Variants in KCNJ15 observed in about 807,000 individuals in gnomAD.
KCNJ15 encodes the protein potassium inwardly rectifying channel subfamily J member 15.
In KCNJ15, 14 loss-of-function variants were observed where a neutral mutation model predicts 23.0. The observed-to-expected ratio is 0.61, with a 90% CI of 0.40 to 0.95. The LOEUF (loss-of-function observed/expected upper bound fraction) is 0.95, where lower values mean the gene tolerates loss of function less well. Ranked by LOEUF, KCNJ15 falls within the 40% of genes least tolerant of loss-of-function variation. The pLI, the probability that KCNJ15 is intolerant of heterozygous loss-of-function variation, is 0.00. For synonymous variants in KCNJ15, 185 were observed against 183.2 expected (o/e 1.01, Z -0.08); for missense variants, 388 against 461.8 (o/e 0.84, Z 1.46).
At chr21:38,241,733 A>G (rs1008592368) in intron 1 of KCNJ15, among the ~76,000 whole-genome samples, 1 of 152,102 alleles carries the variant, frequency 6.6e-6, no homozygotes, top group African/African-American at 2.4e-5. Context: ...TTGGGAGGCC[A>G]AGGAGGGCGG....
chr21:38,288,333 G>A (rs1374548782), intron 1 of KCNJ15, among the ~76,000 whole-genome samples: 13 of 151,874 alleles, frequency 8.6e-5, no homozygotes, highest in Admixed American at 7.9e-4. Context: ...GAGCCACCGC[G>A]CCCAGCCATA....
intron 1 of KCNJ15, among the ~76,000 whole-genome samples, chr21:38,278,449 T>C (rs569425444): frequency 5.3e-5 from 8 of 152,338 alleles, no homozygotes; most frequent in African/African-American, 1.9e-4. Flanking sequence ...TATACATACA[T>C]GAGCTGCCGA....
rs576709021 is a variant in KCNJ15, at chr21:38,268,550, GA to G, written c.-117+11392del. ...TATCTGACAAGAGTACTTAAAATCT[GA>G]AAAAAAAAAAAAAAAAAAAAAAAAA... On this transcript the variant is annotated intron_variant, in intron 1 of 2. Coordinates refer to ENST00000398938, the MANE Select transcript of KCNJ15 (RefSeq NM_170736.3). 7.2e-3 allele frequency among the ~76,000 whole-genome samples: 341 copies of G among 47,258 alleles called. 3 individuals are homozygous for G. The highest frequency in any genetic ancestry group is 0.02 in the Middle Eastern group (1 of 50). The allele number at this position is 47,258 out of a possible 152,430, so 31.0% of individuals were successfully genotyped here. A position where few individuals can be genotyped will look rare whatever the true frequency, so the allele number is the denominator to read the frequency against.
rs1264195152 is a variant in KCNJ15 at position 38,305,055 on chromosome 21, G to C, written c.*4666G>C. ...AGATCGCGCCACTGCACTCCAGCCT[G>C]GGCAACAAAAGTAAAACTCCGTCTC... On this transcript the variant is annotated 3_prime_UTR_variant, in exon 3 of 3. Transcript: ENST00000398938. The C allele has an allele frequency of 1.5e-5, 2 of 133,538 alleles. No homozygotes were observed. Among genetic ancestry groups the C allele is most frequent in the Non-Finnish European group, 3.2e-5 (2 of 63,106 alleles). 8.3% of individuals were successfully genotyped at this position (133,538 alleles called of 1,614,324 possible).
At chr21:38,260,122 A>T (rs1392342374) in intron 1 of KCNJ15, among the ~76,000 whole-genome samples, 1 of 152,186 alleles carries the variant, frequency 6.6e-6, no homozygotes, top group Non-Finnish European at 1.5e-5. Context: ...CTCTCCCTCT[A>T]TGCCCGTGAT....
At chr21:38,277,746 T>A (rs904989863) in intron 1 of KCNJ15, among the ~76,000 whole-genome samples, 7 of 152,290 alleles carry the variant, frequency 4.6e-5, no homozygotes, top group South Asian at 2.1e-4. Flanking sequence ...GCACTATAAA[T>A]CACTCTCAAA....
chr21:38,284,051 T>G (rs1983633079), intron 1 of KCNJ15, among the ~76,000 whole-genome samples: 1 of 152,184 alleles, frequency 6.6e-6, no homozygotes, highest in Admixed American at 6.5e-5. Context: ...GCATCCCTCC[T>G]GTCCAGGTGT....
intron 1 of KCNJ15, among the ~76,000 whole-genome samples, chr21:38,258,546 C>T (rs903643673): frequency 2.0e-5 from 3 of 152,232 alleles, no homozygotes; most frequent in Non-Finnish European, 4.4e-5. Context: ...TCCCAAAATA[C>T]TGAAGATTAG....
intron 1 of KCNJ15, among the ~76,000 whole-genome samples, chr21:38,268,380 C>T (rs2836263): frequency 1.3e-5 from 2 of 151,242 alleles, no homozygotes; most frequent in African/African-American, 4.9e-5. Flanking sequence ...CAAACTTCAG[C>T]AAAAAAGGAA....
At chr21:38,275,519 C>CAAA (rs10709944) in intron 1 of KCNJ15, among the ~76,000 whole-genome samples, 13 of 88,072 alleles carry the variant, frequency 1.5e-4, no homozygotes, top group African/African-American at 5.3e-4. Flanking sequence ...GAAACTCCGT[C>CAAA]AAAAAAAAAA....
At position 38,299,462 on chromosome 21, in the gene KCNJ15, C is replaced by A; in HGVS notation, c.201C>A (p.Leu67=). 6.2e-7 allele frequency: 1 copy of A among 1,614,192 alleles called. No individual in the cohort carries two copies. The highest frequency in any genetic ancestry group is 2.2e-5 in the East Asian group (1 of 44,886). The part of the protein sequence containing the change: ...TVIDMKWRYK[L]TLFAATFVMT... ...TCGACATGAAGTGGAGATACAAACT[C>A]ACCCTGTTCGCTGCCACTTTTGTGA... Residue 67 remains leucine (L), a synonymous_variant, in exon 3 of 3, where the codon CTC becomes CTA. Coordinates refer to ENST00000398938, the MANE Select transcript of KCNJ15 (RefSeq NM_170736.3). The surrounding 1 kb of genome is among the most constrained non-coding windows in gnomAD (Gnocchi z 4.5).
chr21:38,273,842 C>A (rs887060664), intron 1 of KCNJ15, among the ~76,000 whole-genome samples: 1 of 152,232 alleles, frequency 6.6e-6, no homozygotes, highest in African/African-American at 2.4e-5. Context: ...GTCATTTCAT[C>A]CAACCCTCTC....
At chr21:38,244,994 T>C (rs766195387) in intron 1 of KCNJ15, among the ~76,000 whole-genome samples, 7 of 151,992 alleles carry the variant, frequency 4.6e-5, no homozygotes, top group Non-Finnish European at 1.0e-4. Context: ...AACACATGGG[T>C]ATTGTCGGTC....
chr21:38,274,158 G>C (rs1982397747), intron 1 of KCNJ15, among the ~76,000 whole-genome samples: 2 of 152,308 alleles, frequency 1.3e-5, no homozygotes, highest in South Asian at 4.1e-4. Flanking sequence ...TTCCGCCTGG[G>C]CAAAGTCATG....
chr21:38,300,203 G>A lies in KCNJ15; in HGVS notation c.942G>A (p.Val314=). Reference sequence around the variant, plus strand: ...ACTGGGGTTTTGAGTTTGTGCCTGTGGTATCTCTCTCCAAAAATGGAAAAT... The same window carrying A: ...ACTGGGGTTTTGAGTTTGTGCCTGTAGTATCTCTCTCCAAAAATGGAAAAT... ...EIYWGFEFVP[V]VSLSKNGKYV... is the part of the protein sequence containing the mutation. Residue 314 remains valine, a synonymous_variant, in exon 3 of 3, where the codon GTG becomes GTA. Coordinates refer to ENST00000398938, the MANE Select transcript of KCNJ15 (RefSeq NM_170736.3). 1 of 1,614,098 alleles carries A rather than the reference G, an allele frequency of 6.2e-7. No homozygotes were observed. Among genetic ancestry groups the A allele is most frequent in the South Asian group, 1.1e-5 (1 of 91,082 alleles).
intron 1 of KCNJ15, among the ~76,000 whole-genome samples, chr21:38,284,032 G>A (rs1194509152): frequency 6.6e-6 from 1 of 152,160 alleles, no homozygotes; most frequent in Admixed American, 6.5e-5. Context: ...GTTGGCTTAT[G>A]TGCTAAAGGC....
rs2146360301 is a variant in KCNJ15, at chr21:38,303,061, A to T, written c.*2672A>T. The T allele has an allele frequency of 6.6e-6, 1 of 152,206 alleles. No individual in the cohort carries two copies. Among genetic ancestry groups the T allele is most frequent in the Admixed American group, 6.5e-5 (1 of 15,286 alleles). The allele number at this position is 152,206 out of a possible 1,614,324, so 9.4% of individuals were successfully genotyped here. A position where few individuals can be genotyped will look rare whatever the true frequency, so the allele number is the denominator to read the frequency against. ...GTCTCGTTTTTAAGAGTGTCTTAAA[A>T]ACCAATATATGTATAAGTCAACAAA... is the stretch of plus-strand genomic sequence containing the variant. On this transcript the variant is annotated 3_prime_UTR_variant, in exon 3 of 3. Coordinates refer to ENST00000398938, the MANE Select transcript of KCNJ15 (RefSeq NM_170736.3).
upstream of KCNJ15, among the ~76,000 whole-genome samples, chr21:38,256,380 A>ATATATAT (rs1555882102): frequency 1.3e-4 from 17 of 135,996 alleles, no homozygotes; most frequent in East Asian, 4.1e-4. Context: ...ATATATATAT[A>ATATATAT]ATATTTATCA....
At chr21:38,292,282 T>C (rs186624789) in intron 1 of KCNJ15, among the ~76,000 whole-genome samples, 154 of 152,308 alleles carry the variant, frequency 1.0e-3, no homozygotes, top group African/African-American at 3.5e-3. Context: ...AGATAATATC[T>C]ATAACTGCTT....
Sources: gnomAD v4.1 joint callset for allele counts (sites outside exome capture counted in the v4.1 genomes callset) on GRCh38, gnomAD v4.1.1 for gene constraint, Gnocchi (gnomAD v3.1) non-coding constraint, MANE v1.5 for transcripts, NCBI Gene and HGNC (gene_info 2026-07-23, HGNC 2026-07-21) for gene names.